Variants in NTRK2 observed in about 807,000 individuals in gnomAD.
NTRK2 encodes neurotrophic receptor tyrosine kinase 2.
Under a neutral mutation model 94.5 loss-of-function variants are expected in NTRK2, and 13 were observed. The ratio of observed to expected loss-of-function variants is 0.14; its 90% confidence interval spans 0.09 to 0.22. NTRK2 has a LOEUF of 0.22. Ranked by LOEUF, NTRK2 falls within the 10% of genes least tolerant of loss-of-function variation. The probability of loss-of-function intolerance (pLI) is 1.00; values close to 1 mark genes in which losing one functional copy is unlikely to be tolerated. For missense variants in NTRK2, 639 were observed against 1,071.2 expected (o/e 0.60, Z 5.63); for synonymous variants, 372 against 407.4 (o/e 0.91, Z 1.05).
In NTRK2 at chr9:85,021,332, G is replaced by T. The variant is rs762336326; in HGVS notation, c.2412G>T (p.Gly804=). ...AGGAGGTGTATGAGCTGATGCTGGG[G>T]TGCTGGCAGCGAGAGCCCCACATGA... ...CPQEVYELML[G]CWQREPHMRK... The change falls in exon 19 of 19, where the codon GGG becomes GGT. Residue 804 remains glycine (G), a synonymous_variant. Coordinates refer to ENST00000277120, the MANE Select transcript of NTRK2 (RefSeq NM_006180.6). 5.0e-6 allele frequency: 8 copies of T among 1,614,172 alleles called. No homozygotes were observed. The South Asian group carries it at 7.7e-5, about 16-fold the overall frequency.
intron 12 of NTRK2, among the ~76,000 whole-genome samples, chr9:84,767,149 T>G (rs1436224058): frequency 2.0e-5 from 3 of 152,206 alleles, no homozygotes; most frequent in African/African-American, 7.2e-5. Flanking sequence ...CTCTAAGGCC[T>G]GGGATATTAT....
At chr9:84,939,065 AAAAAAAGAAAAGAAAAG>A (rs2078311101) in intron 15 of NTRK2, among the ~76,000 whole-genome samples, 3 of 150,746 alleles carry the variant, frequency 2.0e-5, no homozygotes, top group Non-Finnish European at 1.5e-5. Context: ...AAAAAAAAAA[AAAAAAAGAAAAGAAAAG>A]AAAAAAAAAG....
chr9:84,808,499 T>A (rs1462113555), intron 12 of NTRK2, among the ~76,000 whole-genome samples: 2 of 152,336 alleles, frequency 1.3e-5, no homozygotes, highest in Middle Eastern at 3.4e-3. Context: ...ATATTAATAC[T>A]CATATTGTTT....
chr9:84,692,805 T>C (rs2060132331), intron 2 of NTRK2, among the ~76,000 whole-genome samples: 1 of 152,112 alleles, frequency 6.6e-6, no homozygotes, highest in South Asian at 2.1e-4. Context: ...CCTGGTAGCA[T>C]TTATTTGATG....
intron 17 of NTRK2, among the ~76,000 whole-genome samples, chr9:84,988,094 C>CT (rs1198723347): frequency 2.6e-5 from 4 of 152,214 alleles, no homozygotes; most frequent in Non-Finnish European, 5.9e-5. Context: ...GCTAGACACC[C>CT]TTGTGGGTTG....
At chr9:84,727,479 G>A (rs1262691578) in intron 8 of NTRK2, among the ~76,000 whole-genome samples, 175 bp from the exon 9 acceptor site, 2 of 152,152 alleles carry the variant, frequency 1.3e-5, no homozygotes, top group African/African-American at 4.8e-5. Context: ...TCTTTGGGGA[G>A]TTACATCCAC....
intron 9 of NTRK2, among the ~76,000 whole-genome samples, chr9:84,735,050 CCT>C (rs1411712822): frequency 6.6e-6 from 1 of 151,894 alleles, no homozygotes; most frequent in Non-Finnish European, 1.5e-5. Context: ...TCAAAGATAC[CCT>C]GACTCCAATA....
intron 12 of NTRK2, among the ~76,000 whole-genome samples, chr9:84,770,187 CACACACAA>C: frequency 6.6e-6 from 1 of 151,030 alleles, no homozygotes; most frequent in East Asian, 1.9e-4. Flanking sequence ...CACACACACA[CACACACAA>C]ACACACAGCT....
chr9:84,790,444 G>A (rs768826260), intron 12 of NTRK2, among the ~76,000 whole-genome samples: 8 of 152,190 alleles, frequency 5.3e-5, no homozygotes, highest in Non-Finnish European at 1.2e-4. Context: ...TAGGAGGGAT[G>A]CAGAGTCCTG....
At chr9:84,865,357 A>G (rs1192418588) in intron 13 of NTRK2, among the ~76,000 whole-genome samples, 2 of 152,176 alleles carry the variant, frequency 1.3e-5, no homozygotes, top group African/African-American at 4.8e-5. Context: ...AAAATTACCT[A>G]TAATAAGAGT....
Position 84,951,665 on chromosome 9 carries a change from G to A in NTRK2, c.1937+3031G>A, listed in dbSNP as rs543635847. ...GCACCTGGTTCTCCCTTGGCACCTTGCACAGGGTGTGGAGCAATTGGAAAC... is the reference window on the plus strand; with the variant it reads ...GCACCTGGTTCTCCCTTGGCACCTTACACAGGGTGTGGAGCAATTGGAAAC... On this transcript the variant is annotated intron_variant, in intron 16 of 18. Coordinates refer to ENST00000277120, the MANE Select transcript of NTRK2 (RefSeq NM_006180.6). 1.2e-4 allele frequency among the ~76,000 whole-genome samples: 19 copies of A among 152,278 alleles called. No homozygotes were observed. In the South Asian group the frequency reaches 3.1e-3, roughly 25 times the overall value.
chr9:84,955,616 T>G (rs1588038476), intron 17 of NTRK2, 99 bp downstream of exon 17: 1 of 1,017,526 alleles, frequency 9.8e-7, no homozygotes, highest in East Asian at 2.6e-5. Context: ...ATATCATGAC[T>G]GGGTGGCTTA....
intron 7 of NTRK2, 100 bp downstream of exon 7, chr9:84,723,809 G>C (rs927242606): frequency 2.7e-6 from 4 of 1,489,220 alleles, no homozygotes; most frequent in African/African-American, 1.4e-5. Context: ...ATTTTATAAG[G>C]CTACATATAG....
intron 9 of NTRK2, among the ~76,000 whole-genome samples, chr9:84,737,845 G>A (rs1012124534): frequency 1.3e-5 from 2 of 151,368 alleles, no homozygotes; most frequent in African/African-American, 4.9e-5. Flanking sequence ...AGGCTGTACC[G>A]TGGACTGGCT....
At chr9:84,977,735 C>G (rs1357813679) in intron 17 of NTRK2, among the ~76,000 whole-genome samples, 4 of 152,162 alleles carry the variant, frequency 2.6e-5, no homozygotes, top group Non-Finnish European at 5.9e-5. Flanking sequence ...TTGCACTATG[C>G]AAATATTGTG....
chr9:84,932,265 A>G (rs1023782128), intron 14 of NTRK2, among the ~76,000 whole-genome samples: 2 of 152,196 alleles, frequency 1.3e-5, no homozygotes, highest in African/African-American at 4.8e-5. Flanking sequence ...CTACACACAC[A>G]ATACAGCCCA....
intron 17 of NTRK2, among the ~76,000 whole-genome samples, chr9:84,963,877 C>T (rs1311042314): frequency 6.6e-6 from 1 of 152,084 alleles, no homozygotes. Flanking sequence ...TCTAATTTGC[C>T]ATTATTCTCA....
At chr9:84,730,603 G>A (rs1356480800) in intron 9 of NTRK2, among the ~76,000 whole-genome samples, 4 of 141,108 alleles carry the variant, frequency 2.8e-5, no homozygotes, top group Admixed American at 7.0e-5. Context: ...AGCCGGGCGT[G>A]GTAGCGGGCG....
At chr9:84,880,413 T>G (rs958611326) in intron 14 of NTRK2, among the ~76,000 whole-genome samples, 1 of 152,336 alleles carries the variant, frequency 6.6e-6, no homozygotes, top group African/African-American at 2.4e-5. Flanking sequence ...CCAGCCTTGA[T>G]GCGAATCTTA....
Sources: gnomAD v4.1 joint callset for allele counts (sites outside exome capture counted in the v4.1 genomes callset) on GRCh38, gnomAD v4.1.1 for gene constraint, MANE v1.5 for transcripts, NCBI Gene and HGNC (gene_info 2026-07-23, HGNC 2026-07-21) for gene names.